The following SOX14 variants were observed in gnomAD, a reference collection of about 807,000 sequenced individuals.
SOX14 encodes SRY-box transcription factor 14.
SOX14 carries 5 observed loss-of-function variants against 14.8 expected under a neutral mutation model. The ratio of observed to expected loss-of-function variants is 0.34; its 90% confidence interval spans 0.18 to 0.71. The LOEUF is 0.71. Ranked by LOEUF, SOX14 falls within the 30% of genes least tolerant of loss-of-function variation. The pLI is 0.64. For missense variants in SOX14, 270 were observed against 329.7 expected, an observed-to-expected ratio of 0.82 and a Z score of 1.40; for synonymous variants, 164 against 146.3, an observed-to-expected ratio of 1.12 and a Z score of -0.87.
rs775010225 is a variant in SOX14, at chr3:137,765,117, C to T, written c.333C>T (p.Pro111=). Residue 111 remains proline, a synonymous_variant, in exon 1 of 1, where the codon CCC becomes CCT. Transcript: ENST00000306087. ...DTDPLKAAGL[P]VGASDGLLSA... Reference sequence around the variant, plus strand: ...ACCCGCTCAAGGCGGCTGGCCTGCCCGTGGGGGCCTCCGACGGCCTCCTGA... The same window carrying T: ...ACCCGCTCAAGGCGGCTGGCCTGCCTGTGGGGGCCTCCGACGGCCTCCTGA... 6.2e-7 allele frequency: 1 copy of T among 1,613,112 alleles called. No homozygotes were observed. Among genetic ancestry groups the T allele is most frequent in the East Asian group, 2.2e-5 (1 of 44,830 alleles).
At position 137,764,774 on chromosome 3, in the gene SOX14, C is replaced by T. The variant is rs903204838; in HGVS notation, c.-11C>T. 6.2e-7 allele frequency: 1 copy of T among 1,612,592 alleles called. No individual in the cohort carries two copies. ...GCACTCCCTACCCCCACCCACCTAGCCGCCGGGACCATGTCCAAACCTTCA... is the reference window on the plus strand; with the variant it reads ...GCACTCCCTACCCCCACCCACCTAGTCGCCGGGACCATGTCCAAACCTTCA... On this transcript the variant is annotated 5_prime_UTR_variant, in exon 1 of 1. Coordinates refer to ENST00000306087, the MANE Select transcript of SOX14 (RefSeq NM_004189.4).
In SOX14 at chr3:137,764,639, C is replaced by T; in HGVS notation, c.-146C>T. On this transcript the variant is annotated 5_prime_UTR_variant, in exon 1 of 1. Transcript: ENST00000306087. ...TCAGCTGAACTTTGTGGGGTCAGCG[C>T]TTCTCTCTGGCTTCCCCTCAGCGGC... The T allele has an allele frequency of 9.5e-7, 1 of 1,051,278 alleles. No homozygotes were observed. Among genetic ancestry groups the T allele is most frequent in the Admixed American group, 2.4e-5 (1 of 40,994 alleles). The allele number at this position is 1,051,278 out of a possible 1,614,324, so 65.1% of individuals were successfully genotyped here.
In SOX14 at chr3:137,765,063, C is replaced by T. The variant is rs1309550469; in HGVS notation, c.279C>T (p.Val93=). Residue 93 remains valine (V), a synonymous_variant, in exon 1 of 1, where the codon GTC becomes GTT. Transcript: ENST00000306087. ...ACCTGCTCAAGAAGGACAGGTATGTCTTCCCCTTGCCCTACCTGGGCGACA... is the reference window on the plus strand; with the variant it reads ...ACCTGCTCAAGAAGGACAGGTATGTTTTCCCCTTGCCCTACCTGGGCGACA... ...PKNLLKKDRY[V]FPLPYLGDTD... is the part of the protein sequence containing the mutation. The T allele has an allele frequency of 1.2e-6, 2 of 1,614,244 alleles. No homozygotes were observed.
At position 137,765,340 on chromosome 3, in the gene SOX14, C is replaced by A; in HGVS notation, c.556C>A (p.His186Asn). 1.9e-6 allele frequency: 3 copies of A among 1,598,012 alleles called. No homozygotes were observed. Among genetic ancestry groups the A allele is most frequent in the South Asian group, 2.2e-5 (2 of 89,326 alleles). ...AFGSLSCPSQ[H>N]THTHPSPTNP... is the part of the protein sequence containing the mutation. ...CGGCAGCCTCAGCTGCCCCAGCCAGCACACGCACACGCACCCGTCCCCCAC... is the reference window on the plus strand; with the variant it reads ...CGGCAGCCTCAGCTGCCCCAGCCAGAACACGCACACGCACCCGTCCCCCAC... The change falls in exon 1 of 1, where the codon CAC becomes AAC. Residue 186 changes from histidine to asparagine, a missense_variant. Around this residue, in one of 2 missense-constraint regions of SOX14, gnomAD observed 207 missense variants for 210.9 expected, o/e 0.98. Coordinates refer to ENST00000306087, the MANE Select transcript of SOX14 (RefSeq NM_004189.4).
At position 137,765,761 on chromosome 3, in the gene SOX14, A is replaced by C; in HGVS notation, c.*254A>C. The C allele has an allele frequency of 2.8e-5, 12 of 430,830 alleles. No individual in the cohort carries two copies. The highest frequency in any genetic ancestry group is 3.7e-5 in the East Asian group (1 of 27,182). The allele number at this position is 430,830 out of a possible 1,614,324, so 26.7% of individuals were successfully genotyped here. A position where few individuals can be genotyped will look rare whatever the true frequency, so the allele number is the denominator to read the frequency against. ...CCCTATCCCGACTCTCCCAAAACAA[A>C]TCTCCGACTGTACCCCCTTTGGACA... On this transcript the variant is annotated 3_prime_UTR_variant, in exon 1 of 1. Transcript: ENST00000306087.
Position 137,765,105 on chromosome 3 carries a change from G to C in SOX14, c.321G>C (p.Ala107=). The C allele has an allele frequency of 2.5e-6, 4 of 1,613,478 alleles. No homozygotes were observed. Among genetic ancestry groups the C allele is most frequent in the Non-Finnish European group, 3.4e-6 (4 of 1,179,590 alleles). The part of the protein sequence containing the change: ...PYLGDTDPLK[A]AGLPVGASDG... ...TGGGCGACACGGACCCGCTCAAGGC[G>C]GCTGGCCTGCCCGTGGGGGCCTCCG... Residue 107 remains alanine (A), a synonymous_variant, in exon 1 of 1, where the codon GCG becomes GCC. Transcript: ENST00000306087.
In SOX14 at chr3:137,765,009, C is replaced by T; in HGVS notation, c.225C>T (p.Tyr75=). The T allele has an allele frequency of 6.2e-7, 1 of 1,614,276 alleles. No homozygotes were observed. Among genetic ancestry groups the T allele is most frequent in the African/African-American group, 1.3e-5 (1 of 75,080 alleles). Residue 75 remains tyrosine, a synonymous_variant, in exon 1 of 1, where the codon TAC becomes TAT. Transcript: ENST00000306087. ...AGCACATGAAGGAGCACCCTGACTA[C>T]AAGTACCGACCTCGGCGCAAGCCCA... is the stretch of plus-strand genomic sequence containing the variant. ...RAQHMKEHPD[Y]KYRPRRKPKN...
chr3:137,765,118 G>T lies in SOX14; in HGVS notation c.334G>T (p.Val112Leu), dbSNP rs551070711. ...CCCGCTCAAGGCGGCTGGCCTGCCC[G>T]TGGGGGCCTCCGACGGCCTCCTGAG... is the stretch of plus-strand genomic sequence containing the variant. ...TDPLKAAGLP[V>L]GASDGLLSAP... The change falls in exon 1 of 1, where the codon GTG (valine) becomes TTG (leucine). Residue 112 changes from valine (V) to leucine (L), a missense_variant. By Grantham distance (32) the Val-to-Leu change is conservative. Transcript: ENST00000306087. 9 of 1,613,076 alleles carry T rather than the reference G, an allele frequency of 5.6e-6. No homozygotes were observed. The highest frequency in any genetic ancestry group is 5.3e-5 in the African/African-American group (4 of 75,048).
Position 137,764,926 on chromosome 3 carries a change from C to G in SOX14, c.142C>G (p.Leu48Val). The change falls in exon 1 of 1, where the codon CTT (leucine) becomes GTT (valine). Residue 48 changes from leucine to valine, a missense_variant. Physicochemically the swap from Leu to Val is conservative, Grantham distance 32. Around this residue, in one of 2 missense-constraint regions of SOX14, gnomAD observed 63 missense variants for 118.8 expected, o/e 0.53. Transcript: ENST00000306087. ...CAAACGCCTAGGTGCCGAATGGAAG[C>G]TTCTGTCCGAGGCAGAGAAGCGGCC... is the stretch of plus-strand genomic sequence containing the variant. ...ISKRLGAEWK[L>V]LSEAEKRPYI... 1 of 1,614,258 alleles carries G rather than the reference C, an allele frequency of 6.2e-7. No individual in the cohort carries two copies. The highest frequency in any genetic ancestry group is 2.2e-5 in the East Asian group (1 of 44,880).
At position 137,765,419 on chromosome 3, in the gene SOX14, T is replaced by C; in HGVS notation, c.635T>C (p.Leu212Pro). The C allele has an allele frequency of 2.5e-6, 4 of 1,613,864 alleles. No individual in the cohort carries two copies. Among genetic ancestry groups the C allele is most frequent in the Non-Finnish European group, 3.4e-6 (4 of 1,179,974 alleles). ...TGTACCGCCTGGTCTGCCTCCACCC[T>C]GCAGCCCCCCGTCGCCTACATCCTC... Reference protein sequence around the residue: ...CNCTAWSASTLQPPVAYILFP... With the variant: ...CNCTAWSASTPQPPVAYILFP... Residue 212 changes from leucine to proline, a missense_variant, in exon 1 of 1, where the codon CTG becomes CCG. By Grantham distance (98) the Leu-to-Pro change is moderately conservative. Coordinates refer to ENST00000306087, the MANE Select transcript of SOX14 (RefSeq NM_004189.4).
rs773879718 is a variant in SOX14, at chr3:137,765,556, A to G, written c.*49A>G. The G allele has an allele frequency of 6.5e-6, 10 of 1,546,982 alleles. No homozygotes were observed. The highest frequency in any genetic ancestry group is 8.7e-6 in the Non-Finnish European group (10 of 1,146,140). On this transcript the variant is annotated 3_prime_UTR_variant, in exon 1 of 1. Transcript: ENST00000306087. Reference sequence around the variant, plus strand: ...GGCGTGGTCTGAAAGCCGGGTCTGCACCCTGTCCTCTGAGCCTAGCCCCGG... The same window carrying G: ...GGCGTGGTCTGAAAGCCGGGTCTGCGCCCTGTCCTCTGAGCCTAGCCCCGG...
rs1261539157 is a variant in SOX14, at chr3:137,765,195, C to T, written c.411C>T (p.Ser137=). The part of the protein sequence containing the change: ...AFLPPASAPY[S]LLDPAQFSSS... Reference sequence around the variant, plus strand: ...TGCCGCCGGCCTCGGCGCCCTACTCCCTGCTGGACCCCGCGCAGTTTAGCT... The same window carrying T: ...TGCCGCCGGCCTCGGCGCCCTACTCTCTGCTGGACCCCGCGCAGTTTAGCT... Residue 137 remains serine, a synonymous_variant, in exon 1 of 1, where the codon TCC becomes TCT. Transcript: ENST00000306087. The T allele has an allele frequency of 3.1e-6, 5 of 1,612,510 alleles. No individual in the cohort carries two copies. Among genetic ancestry groups the T allele is most frequent in the Non-Finnish European group, 4.2e-6 (5 of 1,179,488 alleles).
chr3:137,765,636 T>C lies in SOX14; in HGVS notation c.*129T>C, dbSNP rs1016172677. Reference sequence around the variant, plus strand: ...CGCTGTCCCTTACACCACCCAGACTTTTCCTCTCTCTTCCAGGGGGAAGGG... The same window carrying C: ...CGCTGTCCCTTACACCACCCAGACTCTTCCTCTCTCTTCCAGGGGGAAGGG... On this transcript the variant is annotated 3_prime_UTR_variant, in exon 1 of 1. Coordinates refer to ENST00000306087, the MANE Select transcript of SOX14 (RefSeq NM_004189.4). 3.3e-6 allele frequency: 4 copies of C among 1,230,046 alleles called. No individual in the cohort carries two copies. The East Asian group carries it at 8.0e-5, about 24-fold the overall frequency. The allele number at this position is 1,230,046 out of a possible 1,614,324, so 76.2% of individuals were successfully genotyped here.
At position 137,764,989 on chromosome 3, in the gene SOX14, A is replaced by G. The variant is rs1047403302; in HGVS notation, c.205A>G (p.Met69Val). 3 of 1,614,144 alleles carry G rather than the reference A, an allele frequency of 1.9e-6. No individual in the cohort carries two copies. The African/African-American group carries it at 4.0e-5, about 22-fold the overall frequency. The change falls in exon 1 of 1, where the codon ATG becomes GTG. Residue 69 changes from methionine (M) to valine (V), a missense_variant. Coordinates refer to ENST00000306087, the MANE Select transcript of SOX14 (RefSeq NM_004189.4). ...DEAKRLRAQHMKEHPDYKYRP... is the reference protein window; with the variant it reads ...DEAKRLRAQHVKEHPDYKYRP... ...AGCCAAGCGGCTACGCGCCCAGCAC[A>G]TGAAGGAGCACCCTGACTACAAGTA...
rs983294456 is a variant in SOX14, at chr3:137,765,612, G to T, written c.*105G>T. ...AGACGCCTCCGGGGTCAGCCCTGCC[G>T]CTGTCCCTTACACCACCCAGACTTT... On this transcript the variant is annotated 3_prime_UTR_variant, in exon 1 of 1. Coordinates refer to ENST00000306087, the MANE Select transcript of SOX14 (RefSeq NM_004189.4). 9 of 1,408,418 alleles carry T rather than the reference G, an allele frequency of 6.4e-6. No homozygotes were observed. Among genetic ancestry groups the T allele is most frequent in the African/African-American group, 1.4e-5 (1 of 69,026 alleles). The allele number at this position is 1,408,418 out of a possible 1,614,324, so 87.2% of individuals were successfully genotyped here.
Position 137,765,429 on chromosome 3 carries a change from C to G in SOX14, c.645C>G (p.Pro215=), listed in dbSNP as rs1172708903. ...GGTCTGCCTCCACCCTGCAGCCCCC[C>G]GTCGCCTACATCCTCTTCCCAGGCA... is the stretch of plus-strand genomic sequence containing the variant. ...TAWSASTLQP[P]VAYILFPGMT... Residue 215 remains proline, a synonymous_variant, in exon 1 of 1, where the codon CCC becomes CCG. Coordinates refer to ENST00000306087, the MANE Select transcript of SOX14 (RefSeq NM_004189.4). The G allele has an allele frequency of 7.4e-6, 12 of 1,613,914 alleles. No homozygotes were observed. Among genetic ancestry groups the G allele is most frequent in the South Asian group, 2.2e-5 (2 of 91,056 alleles).
At position 137,764,733 on chromosome 3, in the gene SOX14, C is replaced by G. The variant is rs549710502; in HGVS notation, c.-52C>G. 19 of 1,578,824 alleles carry G rather than the reference C, an allele frequency of 1.2e-5. No individual in the cohort carries two copies. The highest frequency in any genetic ancestry group is 1.5e-5 in the Non-Finnish European group (17 of 1,165,244). ...ACAGACGGCCAGCCGCGCCCAGGCTCGTCTGCAGAACCCTTGCACTCCCTA... is the reference window on the plus strand; with the variant it reads ...ACAGACGGCCAGCCGCGCCCAGGCTGGTCTGCAGAACCCTTGCACTCCCTA... On this transcript the variant is annotated 5_prime_UTR_variant, in exon 1 of 1. Transcript: ENST00000306087.
Position 137,764,979 on chromosome 3 carries a change from C to A in SOX14, c.195C>A (p.Arg65=), listed in dbSNP as rs1225165661. The part of the protein sequence containing the change: ...RPYIDEAKRL[R]AQHMKEHPDY... ...ACATCGATGAAGCCAAGCGGCTACG[C>A]GCCCAGCACATGAAGGAGCACCCTG... The change falls in exon 1 of 1, where the codon CGC becomes CGA. Residue 65 remains arginine, a synonymous_variant. Coordinates refer to ENST00000306087, the MANE Select transcript of SOX14 (RefSeq NM_004189.4). 3 of 1,614,156 alleles carry A rather than the reference C, an allele frequency of 1.9e-6. No individual in the cohort carries two copies. Among genetic ancestry groups the A allele is most frequent in the African/African-American group, 1.3e-5 (1 of 74,956 alleles).
chr3:137,764,669 AGGCGAGG>A lies in SOX14; in HGVS notation c.-113_-107del. On this transcript the variant is annotated 5_prime_UTR_variant, in exon 1 of 1. Transcript: ENST00000306087. ...CTCTGGCTTCCCCTCAGCGGCGCCA[AGGCGAGG>A]GGAGCGCAGAACCCCGGCTCAGGAC... 7.5e-7 allele frequency: 1 copy of A among 1,339,880 alleles called. No homozygotes were observed. The allele number at this position is 1,339,880 out of a possible 1,614,324, so 83.0% of individuals were successfully genotyped here.
Sources: allele counts gnomAD v4.1 joint callset, GRCh38; gene constraint gnomAD v4.1.1; regional missense constraint gnomAD v4.1.1; transcripts MANE v1.5; gene names NCBI Gene and HGNC (gene_info 2026-07-23, HGNC 2026-07-21).